The following CNTNAP5 variants were observed in gnomAD, a reference collection of about 807,000 sequenced individuals.
CNTNAP5 encodes the protein contactin-associated protein-like 5.
CNTNAP5 carries 72 observed loss-of-function variants against 150.2 expected under a neutral mutation model. The ratio of observed to expected loss-of-function variants is 0.48; its 90% confidence interval spans 0.40 to 0.58. The LOEUF (loss-of-function observed/expected upper bound fraction) is 0.58. CNTNAP5 is among the 20% of genes least tolerant of loss of function. The pLI, the probability that CNTNAP5 is intolerant of heterozygous loss-of-function variation, is 0.00. For synonymous variants in CNTNAP5, 672 were observed against 619.8 expected (o/e 1.08, Z -1.25); for missense variants, 1,636 against 1,626.2 (o/e 1.01, Z -0.10).
chr2:124,701,782 T>C (rs1289792529), intron 13 of CNTNAP5, among the ~76,000 whole-genome samples: 1 of 152,174 alleles, frequency 6.6e-6, no homozygotes, highest in Non-Finnish European at 1.5e-5. Context: ...TGAGCACCTT[T>C]ACATATGCCT....
intron 1 of CNTNAP5, among the ~76,000 whole-genome samples, chr2:124,082,507 A>T (rs1157049540): frequency 1.3e-5 from 2 of 151,410 alleles, no homozygotes; most frequent in Admixed American, 1.3e-4. Flanking sequence ...TTCCTTGCTG[A>T]GTAGTTTTCT....
chr2:124,505,732 G>A (rs1694391587), intron 8 of CNTNAP5, among the ~76,000 whole-genome samples: 2 of 152,108 alleles, frequency 1.3e-5, no homozygotes, highest in South Asian at 4.1e-4. Context: ...AATCTCTGAT[G>A]TCCTTCAAGC....
intron 5 of CNTNAP5, among the ~76,000 whole-genome samples, chr2:124,441,640 T>G (rs979519462): frequency 1.3e-5 from 2 of 152,052 alleles, no homozygotes; most frequent in African/African-American, 4.8e-5. Flanking sequence ...TTGATGGCTA[T>G]TTAATATAAT....
intron 22 of CNTNAP5, among the ~76,000 whole-genome samples, chr2:124,907,834 T>C (rs1678569671): frequency 6.6e-6 from 1 of 150,512 alleles, no homozygotes; most frequent in Non-Finnish European, 1.5e-5. Context: ...TTTGTAGTCA[T>C]GTTACTGAAG....
intron 8 of CNTNAP5, among the ~76,000 whole-genome samples, chr2:124,510,512 T>TAC (rs1248389708): frequency 1.6e-5 from 2 of 127,604 alleles, no homozygotes; most frequent in African/African-American, 6.7e-5. Flanking sequence ...TATATATATA[T>TAC]ATATATACAT....
chr2:124,058,988 A>G (rs1026313952), intron 1 of CNTNAP5, among the ~76,000 whole-genome samples: 1 of 152,134 alleles, frequency 6.6e-6, no homozygotes, highest in African/African-American at 2.4e-5. Flanking sequence ...TGATGGAATT[A>G]TTTTTTATCT....
rs78037867 is a variant in CNTNAP5 at position 124,170,352 on chromosome 2, C to A, written c.83-51353C>A. On this transcript the variant is annotated intron_variant, in intron 1 of 23. Transcript: ENST00000682447. ...TTTCTGAGAGTTACCTTGGGAGCAG[C>A]CCAATATGGATTTGACTTGTTCATT... is the stretch of plus-strand genomic sequence containing the variant. Among the ~76,000 whole-genome samples the A allele has an allele frequency of 7.2e-3, 1,095 of 152,190 alleles. 12 individuals are homozygous for A. Among genetic ancestry groups the A allele is most frequent in the Admixed American group, 0.015 (224 of 15,288 alleles).
At chr2:124,142,020 ACAAAGAT>A (rs1684124225) in intron 1 of CNTNAP5, among the ~76,000 whole-genome samples, 1 of 147,654 alleles carries the variant, frequency 6.8e-6, no homozygotes, top group African/African-American at 2.5e-5. Context: ...CTTTAAACCA[ACAAAGAT>A]CAAAAGAGAC....
chr2:124,613,164 A>G lies in CNTNAP5; in HGVS notation c.1876+3244A>G, dbSNP rs567114682. 5.9e-5 allele frequency among the ~76,000 whole-genome samples: 9 copies of G among 152,378 alleles called. No individual in the cohort carries two copies. In the South Asian group the frequency reaches 1.9e-3, roughly 32 times the overall value. ...AATTTTCTGATACATACATGTAATG[A>G]TGATCAAATATGCATCTTTCTATTT... On this transcript the variant is annotated intron_variant, in intron 12 of 23. Transcript: ENST00000682447.
At chr2:124,085,885 T>C (rs1682676313) in intron 1 of CNTNAP5, among the ~76,000 whole-genome samples, 1 of 152,242 alleles carries the variant, frequency 6.6e-6, no homozygotes, top group Admixed American at 6.5e-5. Context: ...CAATTATTTT[T>C]AACTTGTTGA....
intron 12 of CNTNAP5, among the ~76,000 whole-genome samples, chr2:124,624,076 G>C (rs969434198): frequency 2.0e-5 from 3 of 152,228 alleles, no homozygotes; most frequent in Admixed American, 6.5e-5. Context: ...CTTAGGCGAA[G>C]CTCTGGAGCT....
chr2:124,849,403 C>A (rs1235056157), intron 19 of CNTNAP5, among the ~76,000 whole-genome samples: 1 of 152,020 alleles, frequency 6.6e-6, no homozygotes, highest in Admixed American at 6.6e-5. Flanking sequence ...ATTAGGAATT[C>A]AGCATGGATA....
chr2:124,891,949 C>T (rs909299286), intron 21 of CNTNAP5, among the ~76,000 whole-genome samples: 6 of 152,188 alleles, frequency 3.9e-5, no homozygotes, highest in South Asian at 2.1e-4. Context: ...GGCCCTTCAC[C>T]GTCCCTGCTT....
intron 3 of CNTNAP5, among the ~76,000 whole-genome samples, chr2:124,314,433 C>T (rs960867268): frequency 1.3e-5 from 2 of 152,086 alleles, no homozygotes; most frequent in African/African-American, 4.8e-5. Flanking sequence ...TGGGAGCAGG[C>T]GCAACACAGA....
intron 3 of CNTNAP5, among the ~76,000 whole-genome samples, chr2:124,362,611 T>C (rs1690244088): frequency 6.6e-6 from 1 of 152,206 alleles, no homozygotes. Flanking sequence ...AAAAGAAAAC[T>C]GTTATTTATG....
intron 13 of CNTNAP5, among the ~76,000 whole-genome samples, chr2:124,693,086 A>G (rs367547195): frequency 2.0e-4 from 31 of 152,244 alleles, no homozygotes; most frequent in African/African-American, 7.0e-4. Flanking sequence ...CTTGGTAGCA[A>G]GAGTGTGAGT....
At chr2:124,898,910 G>A (rs1412762195) in intron 21 of CNTNAP5, among the ~76,000 whole-genome samples, 1 of 151,464 alleles carries the variant, frequency 6.6e-6, no homozygotes, top group African/African-American at 2.4e-5. Context: ...TTAGTCAAAG[G>A]ATGAACATTT....
intron 9 of CNTNAP5, 38 bp from the exon 10 acceptor site, chr2:124,527,247 T>G: frequency 6.3e-7 from 1 of 1,587,964 alleles, no homozygotes; most frequent in Non-Finnish European, 8.6e-7. Context: ...GACGGATCAT[T>G]TCAGCATTCT....
At chr2:124,203,841 C>A (rs1685793215) in intron 1 of CNTNAP5, among the ~76,000 whole-genome samples, 1 of 152,312 alleles carries the variant, frequency 6.6e-6, no homozygotes, top group East Asian at 1.9e-4. Context: ...GGCCTCCAGG[C>A]CTGTGATGGA....
Sources: allele counts gnomAD v4.1 joint callset (sites outside exome capture counted in the v4.1 genomes callset), GRCh38; gene constraint gnomAD v4.1.1; transcripts MANE v1.5; gene names NCBI Gene and HGNC (gene_info 2026-07-23, HGNC 2026-07-21).